The following LARP1B variants were observed in gnomAD, a reference collection of about 807,000 sequenced individuals.
LARP1B encodes la-related protein 1B.
In LARP1B, 76 loss-of-function variants were observed where a neutral mutation model predicts 114.2. That is an observed-to-expected ratio of 0.67 (90% CI 0.55 to 0.81). The LOEUF is 0.81. Ranked by LOEUF, LARP1B falls within the 30% of genes least tolerant of loss-of-function variation. The probability of loss-of-function intolerance (pLI) is 0.00; values close to 1 mark genes in which losing one functional copy is unlikely to be tolerated. For synonymous variants in LARP1B, 345 were observed against 348.0 expected, an observed-to-expected ratio of 0.99 and a Z score of 0.10; for missense variants, 1,014 against 1,075.8, an observed-to-expected ratio of 0.94 and a Z score of 0.80.
intron 12 of LARP1B, among the ~76,000 whole-genome samples, chr4:128,167,209 C>A (rs1342595869): frequency 6.6e-6 from 1 of 151,744 alleles, no homozygotes; most frequent in African/African-American, 2.4e-5. Flanking sequence ...GTGATGATTT[C>A]ATTTCCTTTG....
intron 1 of LARP1B, among the ~76,000 whole-genome samples, chr4:128,072,614 T>C (rs1223359830): frequency 2.6e-5 from 4 of 152,062 alleles, no homozygotes; most frequent in African/African-American, 9.7e-5. Flanking sequence ...TGGAGTGCAG[T>C]GGTGCAGTCT....
intron 11 of LARP1B, among the ~76,000 whole-genome samples, chr4:128,140,972 T>C (rs929258376): frequency 7.9e-5 from 12 of 151,968 alleles, no homozygotes; most frequent in Admixed American, 5.2e-4. Context: ...TGCACCACCA[T>C]GCCTGGCTAA....
In LARP1B at chr4:128,206,762, A is replaced by G. The variant is rs926487229; in HGVS notation, c.2419+225A>G. The G allele has an allele frequency of 3.0e-6, 3 of 985,162 alleles. No homozygotes were observed. The Admixed American group carries it at 1.8e-4, about 61-fold the overall frequency. The allele number at this position is 985,162 out of a possible 1,614,324, so 61.0% of individuals were successfully genotyped here. On this transcript the variant is annotated intron_variant, in intron 18 of 19. Transcript: ENST00000326639. ...TCTCAAGTCTTTCTTTTATGGAGGT[A>G]TATTTTGTCATTATCCCTTTGACAA...
intron 15 of LARP1B, among the ~76,000 whole-genome samples, chr4:128,189,478 C>T (rs1400008374): frequency 6.6e-6 from 1 of 151,642 alleles, no homozygotes; most frequent in Non-Finnish European, 1.5e-5. Flanking sequence ...TTCACTCAGC[C>T]ATGCTTATAT....
intron 15 of LARP1B, among the ~76,000 whole-genome samples, chr4:128,199,107 T>G (rs995246300): frequency 6.6e-6 from 1 of 152,236 alleles, no homozygotes; most frequent in Non-Finnish European, 1.5e-5. Flanking sequence ...TCAAGATAAG[T>G]TGAAAGTTTC....
chr4:128,213,003 C>G (rs1364883218), downstream of LARP1B, among the ~76,000 whole-genome samples: 1 of 138,694 alleles, frequency 7.2e-6, no homozygotes, highest in Admixed American at 8.4e-5. Context: ...ACTGCAACTT[C>G]CACCTTCCAG....
At chr4:128,202,076 A>G (rs1756136293) in intron 17 of LARP1B, among the ~76,000 whole-genome samples, 1 of 152,206 alleles carries the variant, frequency 6.6e-6, no homozygotes, top group Non-Finnish European at 1.5e-5. Context: ...TATCTATATC[A>G]GGAACAGCAG....
At chr4:128,095,490 A>G (rs1213387084) in intron 7 of LARP1B, among the ~76,000 whole-genome samples, 2 of 464 alleles carry the variant, frequency 4.3e-3, no homozygotes, top group Non-Finnish European at 0.029. Context: ...ACTCCATCTC[A>G]AAAAAAAAAA....
At chr4:128,154,894 C>T (rs1163927647) in intron 11 of LARP1B, among the ~76,000 whole-genome samples, 1 of 152,048 alleles carries the variant, frequency 6.6e-6, no homozygotes, top group Non-Finnish European at 1.5e-5. Context: ...CTACCTCAGC[C>T]TCCTGAGTAG....
At chr4:128,107,024 A>G (rs1782355498) in intron 8 of LARP1B, 115 bp from the exon 9 acceptor site, 2 of 783,498 alleles carry the variant, frequency 2.6e-6, no homozygotes, top group African/African-American at 1.7e-5. Context: ...ATTTTTTAGA[A>G]TCTTAACTGC....
In LARP1B at chr4:128,166,964, CTCTCTCTATATA is replaced by C. The variant is rs1218431711; in HGVS notation, c.1648+4649_1648+4660del. Among the ~76,000 whole-genome samples, 27 of 96,650 alleles carry C rather than the reference CTCTCTCTATATA, an allele frequency of 2.8e-4. 1 individual carries two copies. The highest frequency in any genetic ancestry group is 2.0e-3 in the East Asian group (6 of 3,034). The allele number at this position is 96,650 out of a possible 152,430, so 63.4% of individuals were successfully genotyped here. A position where few individuals can be genotyped will look rare whatever the true frequency, so the allele number is the denominator to read the frequency against. ...TCTCTCTCTCTCTCTCTCTCTCTCT[CTCTCTCTATATA>C]TATATATATATATATATACACACAC... On this transcript the variant is annotated intron_variant, in intron 12 of 19. Coordinates refer to ENST00000326639, the MANE Select transcript of LARP1B (RefSeq NM_018078.4).
intron 9 of LARP1B, 50 bp from the exon 10 acceptor site, chr4:128,114,520 G>T: frequency 7.4e-7 from 1 of 1,357,568 alleles, no homozygotes; most frequent in Non-Finnish European, 1.0e-6. Context: ...TATTTTGTAA[G>T]TAAGAAAAGC....
intron 3 of LARP1B, among the ~76,000 whole-genome samples, chr4:128,075,412 A>T (rs1172278323): frequency 6.6e-6 from 1 of 152,172 alleles, no homozygotes; most frequent in Non-Finnish European, 1.5e-5. Flanking sequence ...AACTTGATTC[A>T]TCAAGAAGAT....
intron 11 of LARP1B, among the ~76,000 whole-genome samples, chr4:128,157,843 T>G (rs1045223524): frequency 3.9e-5 from 6 of 152,072 alleles, no homozygotes; most frequent in African/African-American, 1.4e-4. Flanking sequence ...CTATGAAAAT[T>G]TATTTGCAGC....
chr4:128,196,059 T>G (rs1434995173), intron 15 of LARP1B, among the ~76,000 whole-genome samples: 1 of 151,882 alleles, frequency 6.6e-6, no homozygotes, highest in Non-Finnish European at 1.5e-5. Flanking sequence ...CGAGACCAGC[T>G]TGCCAATATG....
intron 1 of LARP1B, chr4:128,061,895 G>T (rs1236936138): frequency 2.0e-6 from 2 of 984,994 alleles, no homozygotes; most frequent in Admixed American, 6.2e-5. Flanking sequence ...GCCGTCGCCG[G>T]CGCTGGTGCT....
chr4:128,077,855 A>T lies in LARP1B; in HGVS notation c.110A>T (p.Glu37Val), dbSNP rs975121848. 1 of 1,612,626 alleles carries T rather than the reference A, an allele frequency of 6.2e-7. No individual in the cohort carries two copies. The highest frequency in any genetic ancestry group is 1.3e-5 in the African/African-American group (1 of 74,890). ...AGAAAAGAAAAAGAAGAGAAGGTTG[A>T]AAAGAGAAGTAACAGTGACAGCAAA... ...QNRKEKEEKV[E>V]KRSNSDSKEN... The change falls in exon 4 of 20, where the codon GAA (glutamate) becomes GTA (valine). Residue 37 changes from glutamate to valine, a missense_variant. Glu to Val is a moderately radical substitution (Grantham distance 121). Coordinates refer to ENST00000326639, the MANE Select transcript of LARP1B (RefSeq NM_018078.4).
At chr4:128,196,815 C>T (rs1422318343) in intron 15 of LARP1B, among the ~76,000 whole-genome samples, 2 of 151,834 alleles carry the variant, frequency 1.3e-5, no homozygotes, top group African/African-American at 4.8e-5. Context: ...AAGTATCCAA[C>T]AACAAATGAT....
At chr4:128,136,585 A>G (rs1484362655) in intron 11 of LARP1B, among the ~76,000 whole-genome samples, 1 of 152,226 alleles carries the variant, frequency 6.6e-6, no homozygotes, top group Non-Finnish European at 1.5e-5. Flanking sequence ...CTAAGTAAAC[A>G]AGGCATAATC....
Sources: gnomAD v4.1 joint callset for allele counts (sites outside exome capture counted in the v4.1 genomes callset) on GRCh38, gnomAD v4.1.1 for gene constraint, MANE v1.5 for transcripts, NCBI Gene and HGNC (gene_info 2026-07-23, HGNC 2026-07-21) for gene names.